The following FAM20B variants were observed in gnomAD, a reference collection of about 807,000 sequenced individuals.
FAM20B encodes glycosaminoglycan xylosylkinase.
FAM20B carries 23 observed loss-of-function variants against 43.8 expected under a neutral mutation model. The observed-to-expected ratio is 0.53, with a 90% CI of 0.38 to 0.74. The LOEUF is 0.74. Among genes scored for constraint, FAM20B ranks in the 30% least tolerant of loss-of-function variants. FAM20B has a pLI of 0.00. For synonymous variants in FAM20B, 178 were observed against 192.4 expected (o/e 0.93, Z 0.62); for missense variants, 440 against 510.5 (o/e 0.86, Z 1.33).
chr1:179,021,570 T>C (rs567243229), upstream of FAM20B, among the ~76,000 whole-genome samples: 3 of 152,344 alleles, frequency 2.0e-5, no homozygotes, highest in East Asian at 1.9e-4. Context: ...CAAATTTCTA[T>C]AGCCATACAT....
intron 2 of FAM20B, among the ~76,000 whole-genome samples, chr1:179,046,532 A>G (rs987235094): frequency 2.0e-5 from 3 of 151,822 alleles, no homozygotes; most frequent in Non-Finnish European, 4.4e-5. Flanking sequence ...TGTGCCTGTA[A>G]TCCTAGCTAC....
At chr1:179,061,076 AT>A (rs67897742) in intron 4 of FAM20B, among the ~76,000 whole-genome samples, 11,653 of 126,136 alleles carry the variant, frequency 0.092, 818 homozygotes, top group African/African-American at 0.24. Flanking sequence ...TCTTTGTCGA[AT>A]TTTTTTTTTT....
intron 7 of FAM20B, among the ~76,000 whole-genome samples, chr1:179,069,540 T>C (rs2102527689): frequency 6.6e-6 from 1 of 152,104 alleles, no homozygotes; most frequent in East Asian, 1.9e-4. Context: ...CCAGCTAATT[T>C]TTTGTATTTT....
At chr1:179,025,435 G>A (rs1171682671), upstream of FAM20B, among the ~76,000 whole-genome samples, 1 of 152,154 alleles carries the variant, frequency 6.6e-6, no homozygotes, top group South Asian at 2.1e-4. Context: ...TAGATAGGCA[G>A]AAGTTCCGAG....
chr1:179,054,612 A>G lies in FAM20B; in HGVS notation c.548A>G (p.Gln183Arg). Residue 183 changes from glutamine (Q) to arginine (R), a missense_variant, in exon 4 of 8, where the codon CAG becomes CGG. Gln to Arg is a conservative substitution (Grantham distance 43). Transcript: ENST00000263733. ...RTEIKPVATE[Q>R]LLSTFLTVGN... The stretch of plus-strand genomic sequence containing the variant: ...GAGATCAAACCTGTCGCCACAGAGC[A>G]GCTGTTGAGCACCTTCCTAACTGTA... 16 of 1,611,258 alleles carry G rather than the reference A, an allele frequency of 9.9e-6. No individual in the cohort carries two copies. The highest frequency in any genetic ancestry group is 1.4e-5 in the Non-Finnish European group (16 of 1,177,626).
At chr1:179,061,178 C>T (rs1458019962) in intron 4 of FAM20B, among the ~76,000 whole-genome samples, 1 of 148,482 alleles carries the variant, frequency 6.7e-6, no homozygotes, top group Non-Finnish European at 1.5e-5. Flanking sequence ...TCTCAGATTC[C>T]AGTGATCCTC....
At chr1:179,050,462 A>G (rs995779179) in intron 3 of FAM20B, 97 bp downstream of exon 3, 2 of 789,534 alleles carry the variant, frequency 2.5e-6, no homozygotes, top group African/African-American at 1.7e-5. Context: ...TGCAACACTA[A>G]TAAATAACTT....
At chr1:179,023,917 G>A (rs574508691), upstream of FAM20B, among the ~76,000 whole-genome samples, 1 of 152,268 alleles carries the variant, frequency 6.6e-6, no homozygotes, top group South Asian at 2.1e-4. Context: ...AGAATATATT[G>A]ACTGTTGATT....
intron 4 of FAM20B, among the ~76,000 whole-genome samples, chr1:179,054,954 A>G (rs1651148848): frequency 1.3e-5 from 2 of 152,188 alleles, no homozygotes. Context: ...AATTTGGCCT[A>G]AATTGGTTAT....
At chr1:179,052,825 C>T (rs1651061395) in intron 3 of FAM20B, among the ~76,000 whole-genome samples, 1 of 152,176 alleles carries the variant, frequency 6.6e-6, no homozygotes, top group Admixed American at 6.5e-5. Flanking sequence ...CTGTTTGCCT[C>T]TTTTCTTCGT....
chr1:179,068,608 G>A (rs761100598), intron 7 of FAM20B, among the ~76,000 whole-genome samples: 2 of 152,012 alleles, frequency 1.3e-5, no homozygotes, highest in African/African-American at 2.4e-5. Context: ...GTTAATTTTT[G>A]TATTTTTAGT....
chr1:179,046,801 G>A (rs1307477618), intron 2 of FAM20B, among the ~76,000 whole-genome samples: 10 of 152,044 alleles, frequency 6.6e-5, no homozygotes, highest in South Asian at 4.1e-4. Context: ...TCAGGAGTTC[G>A]AGACCAGCCT....
intron 1 of FAM20B, among the ~76,000 whole-genome samples, chr1:179,031,431 G>C (rs888912953): frequency 2.0e-5 from 3 of 152,160 alleles, no homozygotes; most frequent in South Asian, 4.1e-4. Flanking sequence ...CAAGGAAGAG[G>C]GTTGCCCTAA....
At chr1:179,045,892 CA>C (rs751221167) in intron 2 of FAM20B, among the ~76,000 whole-genome samples, 29 of 120,944 alleles carry the variant, frequency 2.4e-4, no homozygotes, top group Admixed American at 2.6e-4. Context: ...AGACCTGTCT[CA>C]AAAAAAAAAA....
At chr1:179,020,955 C>T (rs1649594399), upstream of FAM20B, among the ~76,000 whole-genome samples, 1 of 152,220 alleles carries the variant, frequency 6.6e-6, no homozygotes, top group South Asian at 2.1e-4. Flanking sequence ...CCTGTAGTCA[C>T]AGCTACTCGG....
chr1:179,048,891 T>A (rs1265103450), intron 2 of FAM20B, among the ~76,000 whole-genome samples: 1 of 152,226 alleles, frequency 6.6e-6, no homozygotes, highest in Non-Finnish European at 1.5e-5. Context: ...AAGTTGAAGT[T>A]CACTGCCTTT....
At chr1:179,026,548 G>T (rs1176396837) in intron 1 of FAM20B, among the ~76,000 whole-genome samples, 1 of 152,176 alleles carries the variant, frequency 6.6e-6, no homozygotes, top group Non-Finnish European at 1.5e-5. Context: ...CCCAGGGAGC[G>T]CGCCCTCGCG....
At position 179,064,366 on chromosome 1, in the gene FAM20B, C is replaced by T. The variant is rs140406781; in HGVS notation, c.808C>T (p.Pro270Ser). The T allele has an allele frequency of 4.6e-5, 74 of 1,613,978 alleles. No homozygotes were observed. Among genetic ancestry groups the T allele is most frequent in the Non-Finnish European group, 6.2e-5 (73 of 1,179,976 alleles). The change falls in exon 6 of 8, where the codon CCG (proline) becomes TCG (serine). Residue 270 changes from proline (P) to serine (S), a missense_variant. Coordinates refer to ENST00000263733, the MANE Select transcript of FAM20B (RefSeq NM_014864.4). Reference protein sequence around the residue: ...VKKTSPYDSGPRLLDIIDTAV... With the variant: ...VKKTSPYDSGSRLLDIIDTAV... ...GAAAACGTCCCCTTATGACTCTGGC[C>T]CGCGCCTCTTGGACATCATTGACAC...
At chr1:179,021,161 C>T (rs1454364220), upstream of FAM20B, among the ~76,000 whole-genome samples, 1 of 152,236 alleles carries the variant, frequency 6.6e-6, no homozygotes, top group Admixed American at 6.5e-5. Context: ...AAAGAGCCTT[C>T]TGCTGAACTC....
Sources: gnomAD v4.1 joint callset for allele counts (sites outside exome capture counted in the v4.1 genomes callset) on GRCh38, gnomAD v4.1.1 for gene constraint, MANE v1.5 for transcripts, NCBI Gene and HGNC (gene_info 2026-07-23, HGNC 2026-07-21) for gene names.